Variants in XPR1 observed in about 807,000 individuals in gnomAD.
The protein encoded by XPR1 is xenotropic and polytropic retrovirus receptor 1, also known as solute carrier family 53 member 1.
Under a neutral mutation model 87.5 loss-of-function variants are expected in XPR1, and 28 were observed. The observed-to-expected ratio is 0.32, with a 90% CI of 0.24 to 0.44. The LOEUF is 0.44. XPR1 is among the 20% of genes least tolerant of loss of function. The pLI is 1.00. For synonymous variants in XPR1, 300 were observed against 306.1 expected, an observed-to-expected ratio of 0.98 and a Z score of 0.21; for missense variants, 559 against 862.3, an observed-to-expected ratio of 0.65 and a Z score of 4.41.
intron 9 of XPR1, among the ~76,000 whole-genome samples, chr1:180,826,432 C>G (rs549454200): frequency 6.6e-6 from 1 of 152,174 alleles, no homozygotes; most frequent in African/African-American, 2.4e-5. Flanking sequence ...CCTGTAGTCC[C>G]AGATACTTGT....
Position 180,732,555 on chromosome 1 carries a change from C to T in XPR1, c.121+50144C>T, listed in dbSNP as rs144888709. On this transcript the variant is annotated intron_variant, in intron 2 of 14. Coordinates refer to ENST00000367590, the MANE Select transcript of XPR1 (RefSeq NM_004736.4). ...GAAATGGGGAAAGTTCCTGTGTCCC[C>T]CTCACAGGGTGTGCAATGGGGGAGT... Among the ~76,000 whole-genome samples the T allele has an allele frequency of 4.6e-5, 7 of 152,240 alleles. No individual in the cohort carries two copies. In the East Asian group the frequency reaches 1.4e-3, roughly 29 times the overall value.
chr1:180,809,480 T>A (rs1323908887), intron 6 of XPR1, among the ~76,000 whole-genome samples: 5 of 152,184 alleles, frequency 3.3e-5, no homozygotes, highest in Admixed American at 3.3e-4. Flanking sequence ...TCAAACTGCT[T>A]GGAAATAAAG....
chr1:180,828,265 G>A (rs1325357848), intron 9 of XPR1, among the ~76,000 whole-genome samples: 1 of 151,994 alleles, frequency 6.6e-6, no homozygotes, highest in Admixed American at 6.6e-5. Context: ...GGAATCTATG[G>A]AATTGATATA....
intron 3 of XPR1, among the ~76,000 whole-genome samples, chr1:180,799,952 G>C (rs1649720994): frequency 6.6e-6 from 1 of 152,190 alleles, no homozygotes; most frequent in South Asian, 2.1e-4. Context: ...GAGAGGATGT[G>C]GTAGGTATCC....
At chr1:180,721,237 AT>A (rs1658171414) in intron 2 of XPR1, among the ~76,000 whole-genome samples, 3 of 151,778 alleles carry the variant, frequency 2.0e-5, no homozygotes, top group Admixed American at 6.6e-5. Flanking sequence ...AAAAAAAAAA[AT>A]CTAGAAGGAA....
Position 180,632,287 on chromosome 1 carries a change from G to A in XPR1, c.69+17G>A, listed in dbSNP as rs1654609621. 1.9e-6 allele frequency: 3 copies of A among 1,608,218 alleles called. No individual in the cohort carries two copies. The highest frequency in any genetic ancestry group is 3.4e-5 in the Admixed American group (2 of 59,410). ...CAGTATGAGGTACCGGCACGGCTGG[G>A]GTGTGGGAGGACTCGGAGGGGCCAC... is the stretch of plus-strand genomic sequence containing the variant. On this transcript the variant is annotated intron_variant, in intron 1 of 14. Transcript: ENST00000367590.
intron 2 of XPR1, among the ~76,000 whole-genome samples, chr1:180,717,796 A>G (rs1164865202): frequency 6.6e-6 from 1 of 152,154 alleles, no homozygotes; most frequent in Non-Finnish European, 1.5e-5. Context: ...TATTTACACT[A>G]TAGAAATTGG....
rs1276036787 is a variant in XPR1, at chr1:180,691,727, T to G, written c.121+9316T>G. On this transcript the variant is annotated intron_variant, in intron 2 of 14. Coordinates refer to ENST00000367590, the MANE Select transcript of XPR1 (RefSeq NM_004736.4). The stretch of plus-strand genomic sequence containing the variant: ...CCCTAAGCTCCTTAGAATTCAGTTC[T>G]TAGTGACATTGAAGATGAAAGTGCG... Among the ~76,000 whole-genome samples, 4 of 152,286 alleles carry G rather than the reference T, an allele frequency of 2.6e-5. No homozygotes were observed. In the East Asian group the frequency reaches 5.8e-4, roughly 22 times the overall value.
chr1:180,878,180 A>T lies in XPR1; in HGVS notation c.1809-1896A>T, dbSNP rs1306009926. The T allele has an allele frequency of 2.0e-5, 3 of 152,234 alleles. No individual in the cohort carries two copies. In the East Asian group the frequency reaches 5.8e-4, roughly 29 times the overall value. The allele number at this position is 152,234 out of a possible 1,614,324, so 9.4% of individuals were successfully genotyped here. On this transcript the variant is annotated intron_variant, in intron 13 of 14. Coordinates refer to ENST00000367590, the MANE Select transcript of XPR1 (RefSeq NM_004736.4). ...ATGTGTGCTACTTCATCAATTTTTT[A>T]AAAGAAATTCTAGTAAAAAAAGAAA...
intron 11 of XPR1, among the ~76,000 whole-genome samples, chr1:180,845,976 G>A (rs767757257): frequency 2.0e-5 from 3 of 152,104 alleles, no homozygotes; most frequent in African/African-American, 7.2e-5. Flanking sequence ...AAATATCAAG[G>A]GGGCTGGGCA....
chr1:180,836,356 C>CA lies in XPR1; in HGVS notation c.1307-154dup, dbSNP rs67209110. Among the ~76,000 whole-genome samples, 8,210 of 140,820 alleles carry CA rather than the reference C, an allele frequency of 0.058. 725 individuals carry two copies. Among genetic ancestry groups the CA allele is most frequent in the African/African-American group, 0.2 (7,559 of 38,662 alleles). The allele number at this position is 140,820 out of a possible 152,430, so 92.4% of individuals were successfully genotyped here. On this transcript the variant is annotated intron_variant, in intron 10 of 14. Coordinates refer to ENST00000367590, the MANE Select transcript of XPR1 (RefSeq NM_004736.4). ...TGGACCACAGAGCGAGACTCAGTCTCAAAAAAAAAAAAGAAAATCTTGAGA... is the reference window on the plus strand; with the variant it reads ...TGGACCACAGAGCGAGACTCAGTCTCAAAAAAAAAAAAAGAAAATCTTGAGA...
At chr1:180,878,987 A>G (rs1652754565) in intron 13 of XPR1, among the ~76,000 whole-genome samples, 1 of 152,152 alleles carries the variant, frequency 6.6e-6, no homozygotes, top group Non-Finnish European at 1.5e-5. Context: ...TTTCCCTTGA[A>G]CTGCAGACTC....
intron 11 of XPR1, among the ~76,000 whole-genome samples, chr1:180,846,700 G>A (rs1437553591): frequency 1.3e-5 from 2 of 151,954 alleles, no homozygotes; most frequent in African/African-American, 4.8e-5. Context: ...GCCTGCCTCG[G>A]GCTCCCAAAG....
At chr1:180,657,469 A>G (rs983736868) in intron 1 of XPR1, among the ~76,000 whole-genome samples, 9 of 152,132 alleles carry the variant, frequency 5.9e-5, no homozygotes, top group Non-Finnish European at 8.8e-5. Context: ...ATTTTTGTAT[A>G]TGGTGAGAGA....
At chr1:180,705,169 G>T (rs1191507163) in intron 2 of XPR1, among the ~76,000 whole-genome samples, 2 of 152,014 alleles carry the variant, frequency 1.3e-5, no homozygotes, top group African/African-American at 4.8e-5. Flanking sequence ...TTAGGGTATT[G>T]GGGGTGGGGG....
chr1:180,745,565 G>T (rs972049721), intron 2 of XPR1, among the ~76,000 whole-genome samples: 2 of 152,102 alleles, frequency 1.3e-5, no homozygotes, highest in African/African-American at 4.8e-5. Flanking sequence ...TGGGAGTTTG[G>T]GTGCAAGAGA....
intron 2 of XPR1, among the ~76,000 whole-genome samples, chr1:180,716,820 A>G (rs1231249621): frequency 6.6e-6 from 1 of 152,148 alleles, no homozygotes; most frequent in East Asian, 1.9e-4. Context: ...TAGGTATATT[A>G]TTCAGTTTTC....
At chr1:180,777,447 T>A (rs1285789428) in intron 2 of XPR1, among the ~76,000 whole-genome samples, 1 of 152,214 alleles carries the variant, frequency 6.6e-6, no homozygotes. Flanking sequence ...TCAGATAGAC[T>A]GTAGACTGTA....
chr1:180,797,227 G>A (rs778161099), intron 3 of XPR1, among the ~76,000 whole-genome samples: 1 of 152,106 alleles, frequency 6.6e-6, no homozygotes, highest in African/African-American at 2.4e-5. Flanking sequence ...AAAGATTTTA[G>A]AACTGTTACC....
Sources: allele counts gnomAD v4.1 joint callset (sites outside exome capture counted in the v4.1 genomes callset), GRCh38; gene constraint gnomAD v4.1.1; transcripts MANE v1.5; gene names NCBI Gene and HGNC (gene_info 2026-07-23, HGNC 2026-07-21).